GRHL2: variants seen among roughly 807,000 people sequenced by gnomAD.
GRHL2 encodes the protein grainyhead like transcription factor 2.
A neutral mutation model predicts 83.8 loss-of-function variants in GRHL2; 21 were observed. The observed-to-expected ratio is 0.25, with a 90% CI of 0.18 to 0.36. GRHL2 has a LOEUF of 0.36. GRHL2 is among the 10% of genes least tolerant of loss of function. GRHL2 has a pLI of 1.00. For missense variants in GRHL2, 623 were observed against 781.8 expected (o/e 0.80, Z 2.42); for synonymous variants, 280 against 278.9 (o/e 1.00, Z -0.04).
intron 8 of GRHL2, among the ~76,000 whole-genome samples, chr8:101,609,516 A>G (rs1812705396): frequency 6.6e-6 from 1 of 151,116 alleles, no homozygotes. Context: ...CAATTTCAGA[A>G]GTAAATTTAT....
At chr8:101,493,703 G>A (rs1810025439) in intron 1 of GRHL2, among the ~76,000 whole-genome samples, 2 of 152,080 alleles carry the variant, frequency 1.3e-5, no homozygotes, top group Non-Finnish European at 2.9e-5. Context: ...GAGCCTTCTC[G>A]GGGTGCTCTC....
intron 11 of GRHL2, among the ~76,000 whole-genome samples, chr8:101,634,175 G>A (rs2211917): frequency 0.12 from 17,563 of 152,114 alleles, 2,189 homozygotes; most frequent in African/African-American, 0.32. Flanking sequence ...ATATCTGGAG[G>A]CCTTCCTCAG....
At chr8:101,531,182 T>G (rs552780469) in intron 1 of GRHL2, among the ~76,000 whole-genome samples, 1 of 148,800 alleles carries the variant, frequency 6.7e-6, no homozygotes, top group East Asian at 2.0e-4. Context: ...ACTGCACTCC[T>G]CTAGCCTTCT....
intron 1 of GRHL2, among the ~76,000 whole-genome samples, chr8:101,493,917 G>A (rs924549508): frequency 2.6e-5 from 4 of 151,910 alleles, no homozygotes; most frequent in Admixed American, 6.5e-5. Flanking sequence ...AGCCGGGGGA[G>A]GTGGGGCCTG....
Position 101,649,412 on chromosome 8 carries a change from A to G in GRHL2, c.1613-2A>G, listed in dbSNP as rs1030288916. On this transcript the variant is annotated splice_acceptor_variant, in intron 13 of 15. Coordinates refer to ENST00000646743, the MANE Select transcript of GRHL2 (RefSeq NM_024915.4). LOFTEE classifies it high-confidence loss of function. The stretch of plus-strand genomic sequence containing the variant: ...CGTGGCTCTCTTGCCCATCTCTTCC[A>G]GTGCTCTTGTACGTGAGGAAGGAGA... 6.2e-7 allele frequency: 1 copy of G among 1,613,236 alleles called. No individual in the cohort carries two copies.
At chr8:101,670,248 G>A (rs1320671809), downstream of GRHL2, among the ~76,000 whole-genome samples, 1 of 152,112 alleles carries the variant, frequency 6.6e-6, no homozygotes, top group Non-Finnish European at 1.5e-5. Flanking sequence ...TTCCTTGGTG[G>A]GTACCACTCT....
chr8:101,671,008 G>A (rs115780838), downstream of GRHL2, among the ~76,000 whole-genome samples: 511 of 152,302 alleles, frequency 3.4e-3, 2 homozygotes, highest in African/African-American at 0.012. Context: ...CAAGAAAGAG[G>A]AAGAGGATGG....
At chr8:101,492,989 TTAA>T in intron 1 of GRHL2, 200 bp downstream of exon 1, 1 of 635,818 alleles carries the variant, frequency 1.6e-6, no homozygotes, top group South Asian at 1.9e-5. Flanking sequence ...ATGTGAATAT[TTAA>T]TATCCCCTTT....
chr8:101,517,260 C>A (rs1264647487), intron 1 of GRHL2, among the ~76,000 whole-genome samples: 1 of 152,188 alleles, frequency 6.6e-6, no homozygotes, highest in East Asian at 1.9e-4. Context: ...CTGCCCCCTT[C>A]CCAGTTTTCC....
At chr8:101,547,403 T>A (rs759073727) in intron 2 of GRHL2, among the ~76,000 whole-genome samples, 1 of 152,220 alleles carries the variant, frequency 6.6e-6, no homozygotes, top group Non-Finnish European at 1.5e-5. Flanking sequence ...AGTTGGAGTA[T>A]ATCACCCCTG....
rs567442484 is a variant in GRHL2 at position 101,661,259 on chromosome 8, T to TACTC, written c.1699-3193_1699-3190dup. Among the ~76,000 whole-genome samples the TACTC allele has an allele frequency of 3.0e-4, 45 of 152,364 alleles. 3 individuals carry two copies. The South Asian group carries it at 8.9e-3, about 30-fold the overall frequency. ...AAAGATTGGACACCTCTGCTATATATACTCAAGTTTACAGCATGCCACTGG... is the reference window on the plus strand; with the variant it reads ...AAAGATTGGACACCTCTGCTATATATACTCACTCAAGTTTACAGCATGCCACTGG... On this transcript the variant is annotated intron_variant, in intron 14 of 15. Coordinates refer to ENST00000646743, the MANE Select transcript of GRHL2 (RefSeq NM_024915.4).
At chr8:101,629,361 C>T (rs1211519120) in intron 9 of GRHL2, among the ~76,000 whole-genome samples, 14 of 151,618 alleles carry the variant, frequency 9.2e-5, no homozygotes, top group Non-Finnish European at 1.9e-4. Context: ...ATTTTTTAGA[C>T]ATAACGCTAT....
rs113090444 is a variant in GRHL2 at position 101,641,168 on chromosome 8, A to G, written c.1518-2963A>G. 8.2e-3 allele frequency among the ~76,000 whole-genome samples: 1,254 copies of G among 152,248 alleles called. 13 individuals carry two copies. Among genetic ancestry groups the G allele is most frequent in the African/African-American group, 0.028 (1,143 of 41,556 alleles). On this transcript the variant is annotated intron_variant, in intron 12 of 15. Transcript: ENST00000646743. ...TTCTCTCAAATGATTTATATTAAAC[A>G]TCTTAAACTAGCATTGATTAAAATC...
intron 14 of GRHL2, among the ~76,000 whole-genome samples, chr8:101,657,525 C>A (rs1349536998): frequency 2.6e-5 from 4 of 152,096 alleles, no homozygotes; most frequent in African/African-American, 9.7e-5. Flanking sequence ...AAAATGCATG[C>A]TCAGTTGAGA....
At chr8:101,571,561 A>G (rs533412852) in intron 5 of GRHL2, among the ~76,000 whole-genome samples, 1 of 151,934 alleles carries the variant, frequency 6.6e-6, no homozygotes, top group South Asian at 2.1e-4. Context: ...AAACTTACTG[A>G]AGATTTTATC....
At chr8:101,671,051 G>A (rs1294411644), downstream of GRHL2, among the ~76,000 whole-genome samples, 4 of 152,308 alleles carry the variant, frequency 2.6e-5, no homozygotes, top group East Asian at 5.8e-4. Flanking sequence ...GAGCCAAGAT[G>A]GCTACATAGG....
the GRHL2 span, among the ~76,000 whole-genome samples, chr8:101,679,608 C>T: frequency 6.6e-6 from 1 of 150,812 alleles, no homozygotes; most frequent in Non-Finnish European, 1.5e-5. Flanking sequence ...AGAGCAACTC[C>T]AAGACACATA....
chr8:101,595,148 C>A (rs1475552785), intron 7 of GRHL2, among the ~76,000 whole-genome samples: 9 of 152,296 alleles, frequency 5.9e-5, no homozygotes, highest in Admixed American at 2.0e-4. Context: ...CACTGCCTGG[C>A]ACATAGAGGG....
intron 14 of GRHL2, among the ~76,000 whole-genome samples, chr8:101,663,596 A>G (rs1813971132): frequency 6.6e-6 from 1 of 151,226 alleles, no homozygotes; most frequent in Non-Finnish European, 1.5e-5. Context: ...TGGGAACCAG[A>G]GCAAGATTCC....
Sources: allele counts gnomAD v4.1 joint callset (sites outside exome capture counted in the v4.1 genomes callset), GRCh38; gene constraint gnomAD v4.1.1; transcripts MANE v1.5; gene names NCBI Gene and HGNC (gene_info 2026-07-23, HGNC 2026-07-21).